Variants in ABI1 observed in about 807,000 individuals in gnomAD.
ABI1 encodes the protein abl interactor 1.
A neutral mutation model predicts 54.6 loss-of-function variants in ABI1; 14 were observed. That is an observed-to-expected ratio of 0.26 (90% confidence interval 0.17 to 0.40). The LOEUF is 0.40. Ranked by LOEUF, ABI1 falls within the 10% of genes least tolerant of loss-of-function variation. The pLI, the probability that ABI1 is intolerant of heterozygous loss-of-function variation, is 1.00. For synonymous variants in ABI1, 194 were observed against 209.3 expected (o/e 0.93, Z 0.63); for missense variants, 443 against 598.3 (o/e 0.74, Z 2.71).
chr10:26,836,881 A>G (rs2049117829), intron 1 of ABI1, among the ~76,000 whole-genome samples: 1 of 152,210 alleles, frequency 6.6e-6, no homozygotes, highest in Non-Finnish European at 1.5e-5. Flanking sequence ...TAACTTTTAT[A>G]TGGGAGGAGA....
chr10:26,774,200 T>A (rs540011871), intron 3 of ABI1, among the ~76,000 whole-genome samples: 4 of 152,344 alleles, frequency 2.6e-5, no homozygotes, highest in African/African-American at 9.6e-5. Context: ...AAATAGTAGT[T>A]ATATTGTATT....
Position 26,759,227 on chromosome 10 carries a change from A to G in ABI1, c.832T>C (p.Ser278Pro). 6.2e-7 allele frequency: 1 copy of G among 1,613,872 alleles called. No individual in the cohort carries two copies. Among genetic ancestry groups the G allele is most frequent in the South Asian group, 1.1e-5 (1 of 91,024 alleles). The change falls in exon 8 of 11, where the codon TCA becomes CCA. Residue 278 changes from serine to proline, a missense_variant. By Grantham distance (74) the Ser-to-Pro change is moderately conservative (BLOSUM62 -1). Coordinates refer to ENST00000376140, the MANE Select transcript of ABI1 (RefSeq NM_001012750.3). ...PPTIGPAAPG[S>P]APGSQYGTMT... ...GTGCCATACTGGGAACCAGGAGCTG[A>G]GCCCGGGGCTGCTGAAAAGCATTAG...
chr10:26,784,433 A>G (rs770527056), intron 2 of ABI1, among the ~76,000 whole-genome samples: 3 of 152,094 alleles, frequency 2.0e-5, no homozygotes, highest in Non-Finnish European at 4.4e-5. Context: ...GTACTAGAGA[A>G]GTATTCATAC....
chr10:26,809,044 C>A (rs1045604804), intron 2 of ABI1, among the ~76,000 whole-genome samples: 3 of 151,536 alleles, frequency 2.0e-5, no homozygotes, highest in Admixed American at 6.6e-5. Flanking sequence ...CCGAGGCAGG[C>A]GGATCACCTG....
chr10:26,766,207 T>C (rs757754146), intron 6 of ABI1, among the ~76,000 whole-genome samples: 1 of 152,172 alleles, frequency 6.6e-6, no homozygotes, highest in Non-Finnish European at 1.5e-5. Flanking sequence ...GTGTGGACAT[T>C]CTGGAATAGT....
At chr10:26,809,098 C>T (rs779303624) in intron 2 of ABI1, among the ~76,000 whole-genome samples, 35 of 151,908 alleles carry the variant, frequency 2.3e-4, no homozygotes, top group African/African-American at 9.7e-5. Flanking sequence ...GGTGAAACCT[C>T]GTCTCTACCA....
intron 2 of ABI1, among the ~76,000 whole-genome samples, chr10:26,783,753 G>T (rs549419422): frequency 1.8e-4 from 27 of 152,298 alleles, no homozygotes; most frequent in South Asian, 8.3e-4. Flanking sequence ...TGGAATTGAC[G>T]ATCTGGATTT....
chr10:26,772,600 G>A (rs1028339702), intron 3 of ABI1, among the ~76,000 whole-genome samples: 5 of 152,088 alleles, frequency 3.3e-5, no homozygotes, highest in East Asian at 1.9e-4. Context: ...TATGAAGTTC[G>A]GCCTCCTCTA....
At chr10:26,820,692 A>C in intron 2 of ABI1, among the ~76,000 whole-genome samples, 1 of 151,218 alleles carries the variant, frequency 6.6e-6, no homozygotes, top group East Asian at 2.0e-4. Context: ...GGTTGAAGTA[A>C]TTTGCCTCAG....
intron 2 of ABI1, among the ~76,000 whole-genome samples, chr10:26,780,362 G>A (rs1841951011): frequency 6.6e-6 from 1 of 152,050 alleles, no homozygotes; most frequent in African/African-American, 2.4e-5. Context: ...TGAGCAGCTG[G>A]GATAACAGGT....
chr10:26,828,281 A>G (rs2048438841), intron 1 of ABI1, among the ~76,000 whole-genome samples: 1 of 152,240 alleles, frequency 6.6e-6, no homozygotes, highest in Non-Finnish European at 1.5e-5. Context: ...TGGTGCCCCA[A>G]AACGATTACA....
At chr10:26,785,535 A>T (rs1480180440) in intron 2 of ABI1, among the ~76,000 whole-genome samples, 1 of 152,156 alleles carries the variant, frequency 6.6e-6, no homozygotes, top group Non-Finnish European at 1.5e-5. Context: ...CAGCCTGGCC[A>T]ACATGGTGAA....
At chr10:26,774,200 T>C (rs540011871) in intron 3 of ABI1, among the ~76,000 whole-genome samples, 2 of 152,226 alleles carry the variant, frequency 1.3e-5, no homozygotes, top group South Asian at 4.1e-4. Context: ...AAATAGTAGT[T>C]ATATTGTATT....
At chr10:26,843,235 C>T (rs1175053646) in intron 1 of ABI1, among the ~76,000 whole-genome samples, 5 of 151,010 alleles carry the variant, frequency 3.3e-5, no homozygotes, top group African/African-American at 7.3e-5. Context: ...GGCAGATCAC[C>T]TGAGGTCAGG....
At chr10:26,842,837 G>A (rs2049629161) in intron 1 of ABI1, among the ~76,000 whole-genome samples, 1 of 152,008 alleles carries the variant, frequency 6.6e-6, no homozygotes, top group Non-Finnish European at 1.5e-5. Flanking sequence ...ACAAGGTCAG[G>A]AGATCAAACC....
chr10:26,823,730 ACTTC>A (rs1285498194), intron 1 of ABI1, among the ~76,000 whole-genome samples: 1 of 152,138 alleles, frequency 6.6e-6, no homozygotes, highest in Non-Finnish European at 1.5e-5. Context: ...CGGAAATCCA[ACTTC>A]CTTGTTATCT....
At chr10:26,774,780 A>G (rs1217668330) in intron 3 of ABI1, among the ~76,000 whole-genome samples, 2 of 152,056 alleles carry the variant, frequency 1.3e-5, no homozygotes, top group African/African-American at 4.8e-5. Context: ...TGGCAATCGT[A>G]AGCATGAAGC....
intron 3 of ABI1, among the ~76,000 whole-genome samples, chr10:26,775,689 A>C (rs1321675765): frequency 2.0e-5 from 3 of 152,236 alleles, no homozygotes; most frequent in Non-Finnish European, 2.9e-5. Context: ...TCAGCTAAGT[A>C]CTATGTTTTG....
chr10:26,828,724 G>A (rs1276733260), intron 1 of ABI1, among the ~76,000 whole-genome samples: 1 of 152,070 alleles, frequency 6.6e-6, no homozygotes, highest in African/African-American at 2.4e-5. Flanking sequence ...ATTGAAAGAG[G>A]GGAAGGAAAA....
Sources: allele counts gnomAD v4.1 joint callset (sites outside exome capture counted in the v4.1 genomes callset), GRCh38; gene constraint gnomAD v4.1.1; transcripts MANE v1.5; gene names NCBI Gene and HGNC (gene_info 2026-07-23, HGNC 2026-07-21).